Variants in GPR137 observed in about 807,000 individuals in gnomAD.
GPR137 encodes the protein integral membrane protein GPR137.
In GPR137, 20 loss-of-function variants were observed where a neutral mutation model predicts 38.9. The observed-to-expected ratio is 0.51, with a 90% CI of 0.36 to 0.75. GPR137 has a LOEUF of 0.75. Ranked by LOEUF, GPR137 falls within the 30% of genes least tolerant of loss-of-function variation. The pLI is 0.00. For missense variants in GPR137, 456 were observed against 526.4 expected (o/e 0.87, Z 1.31); for synonymous variants, 226 against 235.8 (o/e 0.96, Z 0.38).
upstream of GPR137, chr11:64,285,349 G>A (rs1387810554): frequency 3.0e-6 from 3 of 985,026 alleles, no homozygotes; most frequent in Admixed American, 1.2e-4. Flanking sequence ...TAGGGCCCGT[G>A]GGGGCTTCAC....
upstream of GPR137, among the ~76,000 whole-genome samples, chr11:64,283,423 G>A (rs1230598801): frequency 6.6e-6 from 1 of 152,240 alleles, no homozygotes; most frequent in Non-Finnish European, 1.5e-5. Context: ...AGGGGTGCTA[G>A]AGCCTACTGA....
chr11:64,283,367 G>A (rs2033613565), upstream of GPR137, among the ~76,000 whole-genome samples: 1 of 152,214 alleles, frequency 6.6e-6, no homozygotes, highest in Admixed American at 6.5e-5. Context: ...TTTGTGTTCA[G>A]AAGATATCTG....
At chr11:64,271,918 C>G, upstream of GPR137, 1 of 800,118 alleles carries the variant, frequency 1.2e-6, no homozygotes, top group South Asian at 4.9e-5. Flanking sequence ...CTTCCAGGGG[C>G]GCATCACAGC....
upstream of GPR137, among the ~76,000 whole-genome samples, chr11:64,281,952 C>T (rs1361814888): frequency 6.6e-6 from 1 of 152,210 alleles, no homozygotes; most frequent in Non-Finnish European, 1.5e-5. Context: ...ATCTCTTCAC[C>T]TTGTGATACG....
chr11:64,270,701 G>A, upstream of GPR137: 2 of 513,672 alleles, frequency 3.9e-6, no homozygotes, highest in Non-Finnish European at 3.8e-6. Context: ...AGGTTGAAGC[G>A]GGAGGATCCT....
At chr11:64,282,931 G>A (rs898236492), upstream of GPR137, among the ~76,000 whole-genome samples, 8 of 151,832 alleles carry the variant, frequency 5.3e-5, no homozygotes, top group African/African-American at 1.9e-4. Context: ...AACTGGGTGT[G>A]GTCCACACAC....
In GPR137 at chr11:64,288,794, G is replaced by T; in HGVS notation, c.1031+73G>T. 6.9e-7 allele frequency: 1 copy of T among 1,459,628 alleles called. No individual in the cohort carries two copies. Among genetic ancestry groups the T allele is most frequent in the East Asian group, 2.5e-5 (1 of 40,290 alleles). The allele number at this position is 1,459,628 out of a possible 1,614,324, so 90.4% of individuals were successfully genotyped here. A position where few individuals can be genotyped will look rare whatever the true frequency, so the allele number is the denominator to read the frequency against. ...CCGCTGGCTCCATCAAGCTATGGGGGACCGAGATAGCCGGGTCTTGCCTTC... is the reference window on the plus strand; with the variant it reads ...CCGCTGGCTCCATCAAGCTATGGGGTACCGAGATAGCCGGGTCTTGCCTTC... On this transcript the variant is annotated intron_variant, in intron 6 of 6. Coordinates refer to ENST00000438980, the MANE Select transcript of GPR137 (RefSeq NM_001170880.2). This position sits in a 1 kb window ranked among gnomAD's most constrained non-coding sequence, Gnocchi z 5.5.
In GPR137 at chr11:64,288,463, G is replaced by T; in HGVS notation, c.907G>T (p.Asp303Tyr). Residue 303 changes from aspartate (D) to tyrosine (Y), a missense_variant, in exon 5 of 7, where the codon GAC (aspartate) becomes TAC (tyrosine). Asp to Tyr is a radical substitution (Grantham distance 160). Coordinates refer to ENST00000438980, the MANE Select transcript of GPR137 (RefSeq NM_001170880.2). The surrounding 1 kb of genome is among the most constrained non-coding windows in gnomAD (Gnocchi z 5.5). ...CTTCCGGGTGCACCGGCCCCCACAG[G>T]ACCTGGTAAGGGTCTGCTCCCTCTT... ...GFFRVHRPPQ[D>Y]LSTSHILNGQ... The T allele has an allele frequency of 1.2e-6, 2 of 1,613,248 alleles. No homozygotes were observed. Among genetic ancestry groups the T allele is most frequent in the East Asian group, 2.2e-5 (1 of 44,880 alleles).
rs1464436550 is a variant in GPR137, at chr11:64,286,404, C to T, written c.-121C>T. The T allele has an allele frequency of 1.4e-6, 2 of 1,451,632 alleles. No homozygotes were observed. The highest frequency in any genetic ancestry group is 1.8e-6 in the Non-Finnish European group (2 of 1,107,190). 89.9% of individuals were successfully genotyped at this position (1,451,632 alleles called of 1,614,324 possible). ...GGGCCTGTCAGCCACAACTTCTTTC[C>T]TCCTGAGCGCCCCATCTCCCTCTCT... On this transcript the variant is annotated 5_prime_UTR_variant, in exon 1 of 7. Coordinates refer to ENST00000438980, the MANE Select transcript of GPR137 (RefSeq NM_001170880.2).
chr11:64,286,449 C>G lies in GPR137; in HGVS notation c.-76C>G. 1.3e-6 allele frequency: 2 copies of G among 1,543,294 alleles called. No homozygotes were observed. The highest frequency in any genetic ancestry group is 1.9e-5 in the Admixed American group (1 of 53,082). ...CTCTCTGCACCCTGCAATTCCCACC[C>G]CTCCGTATTTATTTCCCTGGTCCCG... is the stretch of plus-strand genomic sequence containing the variant. On this transcript the variant is annotated 5_prime_UTR_variant, in exon 1 of 7. Coordinates refer to ENST00000438980, the MANE Select transcript of GPR137 (RefSeq NM_001170880.2).
At chr11:64,283,555 TGC>T (rs1009529436), upstream of GPR137, among the ~76,000 whole-genome samples, 10 of 152,294 alleles carry the variant, frequency 6.6e-5, no homozygotes, top group African/African-American at 2.4e-4. Context: ...CTGGCCACTG[TGC>T]CAGGACAGTC....
chr11:64,279,275 G>A (rs772189249), intron 2 of GPR137, among the ~76,000 whole-genome samples: 2 of 151,860 alleles, frequency 1.3e-5, no homozygotes, highest in Non-Finnish European at 2.9e-5. Flanking sequence ...CAACTCCAAC[G>A]ATGCTGCGGC....
rs947296718 is a variant in GPR137, at chr11:64,286,406, C to T, written c.-119C>T. ...GCCTGTCAGCCACAACTTCTTTCCT[C>T]CTGAGCGCCCCATCTCCCTCTCTGC... On this transcript the variant is annotated 5_prime_UTR_variant, in exon 1 of 7. Coordinates refer to ENST00000438980, the MANE Select transcript of GPR137 (RefSeq NM_001170880.2). 2.7e-6 allele frequency: 4 copies of T among 1,455,982 alleles called. No individual in the cohort carries two copies. Among genetic ancestry groups the T allele is most frequent in the Non-Finnish European group, 3.6e-6 (4 of 1,109,216 alleles). The allele number at this position is 1,455,982 out of a possible 1,614,324, so 90.2% of individuals were successfully genotyped here.
chr11:64,281,068 C>T (rs952756459), upstream of GPR137, among the ~76,000 whole-genome samples: 1 of 149,924 alleles, frequency 6.7e-6, no homozygotes, highest in Non-Finnish European at 1.5e-5. Context: ...CCCGGGCTCA[C>T]GCCATTCTCC....
upstream of GPR137, among the ~76,000 whole-genome samples, chr11:64,283,846 G>A (rs963545380): frequency 1.3e-5 from 2 of 152,002 alleles, no homozygotes; most frequent in African/African-American, 4.8e-5. Flanking sequence ...AGTCACTCAG[G>A]CTGGCCTTGA....
chr11:64,271,919 G>A (rs546407241), upstream of GPR137: 6 of 797,470 alleles, frequency 7.5e-6, no homozygotes, highest in South Asian at 2.0e-4. Flanking sequence ...TTCCAGGGGC[G>A]CATCACAGCC....
chr11:64,276,337 T>G (rs1174699643), intron 1 of GPR137: 3 of 151,974 alleles, frequency 2.0e-5, no homozygotes, highest in Admixed American at 2.0e-4. Flanking sequence ...TATGTATTTT[T>G]TTTTTTTTAG....
At chr11:64,285,541 C>A (rs1565355621), upstream of GPR137, 1 of 984,562 alleles carries the variant, frequency 1.0e-6, no homozygotes, top group African/African-American at 1.7e-5. Context: ...CCGCCCCCGG[C>A]CGGGCGGCAC....
upstream of GPR137, chr11:64,271,495 G>A: frequency 9.2e-7 from 1 of 1,087,804 alleles, no homozygotes; most frequent in African/African-American, 1.6e-5. Context: ...GAACAGGACG[G>A]CTTTGGGGAG....
Sources: allele counts gnomAD v4.1 joint callset (sites outside exome capture counted in the v4.1 genomes callset), GRCh38; gene constraint gnomAD v4.1.1; non-coding constraint Gnocchi (gnomAD v3.1); transcripts MANE v1.5; gene names NCBI Gene and HGNC (gene_info 2026-07-23, HGNC 2026-07-21).